PACRG: variants seen among roughly 807,000 people sequenced by gnomAD.
The protein encoded by PACRG is parkin coregulated gene protein.
PACRG carries 29 observed loss-of-function variants against 29.7 expected under a neutral mutation model. That is an observed-to-expected ratio of 0.98 (90% CI 0.73 to 1.33). PACRG has a LOEUF of 1.33. PACRG is among the 40% of genes most tolerant of loss of function. The probability of loss-of-function intolerance (pLI) is 0.00; values close to 1 mark genes in which losing one functional copy is unlikely to be tolerated. For synonymous variants in PACRG, 116 were observed against 118.7 expected (o/e 0.98, Z 0.15); for missense variants, 279 against 316.2 (o/e 0.88, Z 0.89).
chr6:163,163,514 C>T (rs1354614549), intron 4 of PACRG, among the ~76,000 whole-genome samples: 5 of 151,074 alleles, frequency 3.3e-5, no homozygotes, highest in Admixed American at 2.1e-4. Flanking sequence ...TCAGGTGACG[C>T]GCCTGCCTCG....
intron 1 of PACRG, among the ~76,000 whole-genome samples, chr6:162,737,226 G>GT (rs1211518783): frequency 6.6e-6 from 1 of 152,168 alleles, no homozygotes; most frequent in African/African-American, 2.4e-5. Flanking sequence ...ATCTGCCAGT[G>GT]TTGAGGGTCA....
In PACRG at chr6:162,963,021, G is replaced by T. The variant is rs367863747; in HGVS notation, c.292-99129G>T. ...ATTCTACATTTATAGATCTATATTAGTTCTAATGATACTTGTTTTGCTATA... is the reference window on the plus strand; with the variant it reads ...ATTCTACATTTATAGATCTATATTATTTCTAATGATACTTGTTTTGCTATA... On this transcript the variant is annotated intron_variant, in intron 2 of 4. Transcript: ENST00000366888. 1.1e-4 allele frequency among the ~76,000 whole-genome samples: 16 copies of T among 152,248 alleles called. No homozygotes were observed. The East Asian group carries it at 2.9e-3, about 28-fold the overall frequency.
intron 1 of PACRG, among the ~76,000 whole-genome samples, chr6:162,750,773 A>G (rs565810805): frequency 6.6e-6 from 1 of 152,332 alleles, no homozygotes; most frequent in Non-Finnish European, 1.5e-5. Flanking sequence ...CTTGCTCAGC[A>G]ATATGGAAGT....
chr6:162,733,075 C>T (rs912988843), intron 1 of PACRG, among the ~76,000 whole-genome samples: 1 of 152,232 alleles, frequency 6.6e-6, no homozygotes, highest in Non-Finnish European at 1.5e-5. Context: ...CATCAGGTAA[C>T]ACATATCTAT....
At chr6:163,233,487 T>C (rs139629460) in intron 4 of PACRG, among the ~76,000 whole-genome samples, 2 of 152,344 alleles carry the variant, frequency 1.3e-5, no homozygotes, top group South Asian at 2.1e-4. Flanking sequence ...TAAATGACTT[T>C]TGCATGCTAG....
At chr6:163,207,356 T>G (rs908463217) in intron 4 of PACRG, among the ~76,000 whole-genome samples, 2 of 152,174 alleles carry the variant, frequency 1.3e-5, no homozygotes, top group Admixed American at 1.3e-4. Flanking sequence ...GTTTCAAAAG[T>G]CTGAAAATAA....
chr6:163,091,096 T>G (rs923753037), intron 4 of PACRG, among the ~76,000 whole-genome samples: 16 of 152,204 alleles, frequency 1.1e-4, no homozygotes, highest in Non-Finnish European at 2.4e-4. Flanking sequence ...CTTTAATGCT[T>G]TTGTTGGTCA....
chr6:162,995,805 G>C (rs1333200239), intron 2 of PACRG, among the ~76,000 whole-genome samples: 1 of 152,154 alleles, frequency 6.6e-6, no homozygotes, highest in African/African-American at 2.4e-5. Flanking sequence ...CCTGTTGTGT[G>C]TATATACTAC....
At chr6:163,071,711 AG>A (rs1198055721) in intron 3 of PACRG, among the ~76,000 whole-genome samples, 1 of 151,612 alleles carries the variant, frequency 6.6e-6, no homozygotes, top group Non-Finnish European at 1.5e-5. Flanking sequence ...AAAAAAAAAA[AG>A]ACCCAAATAA....
chr6:163,129,231 G>A (rs1328712870), intron 4 of PACRG, among the ~76,000 whole-genome samples: 2 of 152,184 alleles, frequency 1.3e-5, no homozygotes, highest in African/African-American at 2.4e-5. Flanking sequence ...ATTTGAGCGC[G>A]ATTTGAACAT....
intron 1 of PACRG, among the ~76,000 whole-genome samples, chr6:162,764,423 C>A (rs1782622638): frequency 6.6e-6 from 1 of 152,018 alleles, no homozygotes; most frequent in Admixed American, 6.6e-5. Context: ...TGAATCAACA[C>A]AAATTTAAAT....
intron 1 of PACRG, among the ~76,000 whole-genome samples, chr6:162,790,790 T>A (rs1485806633): frequency 6.6e-6 from 1 of 152,194 alleles, no homozygotes; most frequent in African/African-American, 2.4e-5. Context: ...AGATCTGCGT[T>A]GATCCCGCTA....
At chr6:163,201,075 G>A (rs1038802242) in intron 4 of PACRG, among the ~76,000 whole-genome samples, 1 of 152,190 alleles carries the variant, frequency 6.6e-6, no homozygotes, top group Admixed American at 6.5e-5. Context: ...TTTCAAATGT[G>A]ATGTTTATTA....
intron 2 of PACRG, among the ~76,000 whole-genome samples, chr6:162,844,200 G>A (rs1369496129): frequency 4.6e-5 from 7 of 150,544 alleles, no homozygotes; most frequent in Non-Finnish European, 1.0e-4. Context: ...CCCCAGCCTC[G>A]CTGCCGCCTT....
chr6:163,165,558 CA>C (rs1483629417), intron 4 of PACRG: 2 of 156,044 alleles, frequency 1.3e-5, no homozygotes, highest in African/African-American at 2.4e-5. Flanking sequence ...ACCCCTGTCT[CA>C]GGGGGAAAAA....
At chr6:163,227,159 G>A (rs1781839346) in intron 4 of PACRG, among the ~76,000 whole-genome samples, 1 of 152,198 alleles carries the variant, frequency 6.6e-6, no homozygotes, top group Admixed American at 6.5e-5. Flanking sequence ...CAGTTCTGCA[G>A]GCTGTACAGG....
intron 4 of PACRG, among the ~76,000 whole-genome samples, chr6:163,293,868 G>A (rs1784696995): frequency 6.6e-6 from 1 of 152,030 alleles, no homozygotes; most frequent in South Asian, 2.1e-4. Flanking sequence ...AAAAAAAACT[G>A]TGAAAAGAAA....
At chr6:163,077,848 ACAT>A (rs1812685785) in intron 3 of PACRG, among the ~76,000 whole-genome samples, 2 of 152,200 alleles carry the variant, frequency 1.3e-5, no homozygotes, top group South Asian at 4.1e-4. Context: ...GAAGGAATCA[ACAT>A]CAGGCCTCGC....
chr6:162,789,216 A>G (rs1784749889), intron 1 of PACRG, among the ~76,000 whole-genome samples: 1 of 152,200 alleles, frequency 6.6e-6, no homozygotes, highest in Non-Finnish European at 1.5e-5. Context: ...TCATTGAGTG[A>G]GGAGGCAACT....
Sources: gnomAD v4.1 joint callset for allele counts (sites outside exome capture counted in the v4.1 genomes callset) on GRCh38, gnomAD v4.1.1 for gene constraint, MANE v1.5 for transcripts, NCBI Gene and HGNC (gene_info 2026-07-23, HGNC 2026-07-21) for gene names.